FBXL7: variants seen among roughly 807,000 people sequenced by gnomAD.
FBXL7 encodes the protein F-box and leucine rich repeat protein 7, also known as F-box/LRR-repeat protein 7.
A neutral mutation model predicts 38.3 loss-of-function variants in FBXL7; 12 were observed. The observed-to-expected ratio is 0.31, with a 90% confidence interval of 0.20 to 0.51. FBXL7 has a LOEUF of 0.51. FBXL7 is among the 20% of genes least tolerant of loss of function. The pLI is 0.98. For missense variants in FBXL7, 567 were observed against 676.4 expected, an observed-to-expected ratio of 0.84 and a Z score of 1.79; for synonymous variants, 297 against 300.9, an observed-to-expected ratio of 0.99 and a Z score of 0.13.
intron 2 of FBXL7, among the ~76,000 whole-genome samples, chr5:15,863,040 A>G (rs1417958708): frequency 2.0e-5 from 3 of 152,186 alleles, no homozygotes; most frequent in East Asian, 3.9e-4. Context: ...TACACTGCAC[A>G]GGGGTATCTC....
chr5:15,518,431 C>T (rs958402267), intron 1 of FBXL7, among the ~76,000 whole-genome samples: 1 of 152,240 alleles, frequency 6.6e-6, no homozygotes, highest in South Asian at 2.1e-4. Flanking sequence ...ATTCGTGAGC[C>T]CTCTCGATAC....
At chr5:15,563,959 G>A (rs1404654342) in intron 1 of FBXL7, among the ~76,000 whole-genome samples, 2 of 152,022 alleles carry the variant, frequency 1.3e-5, no homozygotes, top group African/African-American at 4.8e-5. Flanking sequence ...GTCTCACCAG[G>A]TTTTCAGTGT....
intron 2 of FBXL7, among the ~76,000 whole-genome samples, chr5:15,638,100 A>C (rs1320873979): frequency 1.3e-5 from 2 of 152,214 alleles, no homozygotes. Context: ...ACCACCCCCC[A>C]GGTGATCAGT....
intron 1 of FBXL7, among the ~76,000 whole-genome samples, chr5:15,578,685 C>A (rs1739042696): frequency 6.6e-6 from 1 of 152,176 alleles, no homozygotes; most frequent in Non-Finnish European, 1.5e-5. Flanking sequence ...ATAGCCCAAT[C>A]ACCATGTGTT....
rs562650617 is a variant in FBXL7 at position 15,516,769 on chromosome 5, C to A, written c.37+16056C>A. Reference sequence around the variant, plus strand: ...GATAGTGAGTGAGTTCTCACGAGATCTGACGGTTTTATAAGGAGCTCTTCC... The same window carrying A: ...GATAGTGAGTGAGTTCTCACGAGATATGACGGTTTTATAAGGAGCTCTTCC... On this transcript the variant is annotated intron_variant, in intron 1 of 3. Coordinates refer to ENST00000504595, the MANE Select transcript of FBXL7 (RefSeq NM_012304.5). 3.3e-5 allele frequency among the ~76,000 whole-genome samples: 5 copies of A among 152,236 alleles called. No individual in the cohort carries two copies. In the East Asian group the frequency reaches 9.7e-4, roughly 30 times the overall value.
chr5:15,654,842 T>C (rs2126575364), intron 2 of FBXL7, among the ~76,000 whole-genome samples: 1 of 152,308 alleles, frequency 6.6e-6, no homozygotes, highest in South Asian at 2.1e-4. Flanking sequence ...CTACCATAAG[T>C]CTTACTTTAT....
intron 2 of FBXL7, among the ~76,000 whole-genome samples, chr5:15,777,978 T>C (rs1315163451): frequency 6.6e-6 from 1 of 152,066 alleles, no homozygotes. Flanking sequence ...ATCAAATTTG[T>C]TTATTTCCCA....
chr5:15,879,610 T>A (rs1415632336), intron 2 of FBXL7, among the ~76,000 whole-genome samples: 1 of 152,108 alleles, frequency 6.6e-6, no homozygotes, highest in African/African-American at 2.4e-5. Context: ...TCTGGGAAGA[T>A]CAGTTCCTTT....
rs183442502 is a variant in FBXL7, at chr5:15,723,286, C to T, written c.127+107214C>T. The stretch of plus-strand genomic sequence containing the variant: ...GTCAGAGACGTTAGTAATTACTGTA[C>T]TTTGTTCAATGAGATAATAACTTTT... On this transcript the variant is annotated intron_variant, in intron 2 of 3. Transcript: ENST00000504595. Among the ~76,000 whole-genome samples, 255 of 152,262 alleles carry T rather than the reference C, an allele frequency of 1.7e-3. 2 individuals carry two copies. The highest frequency in any genetic ancestry group is 5.6e-3 in the African/African-American group (232 of 41,552).
At chr5:15,834,218 G>A (rs1289998996) in intron 2 of FBXL7, among the ~76,000 whole-genome samples, 1 of 152,090 alleles carries the variant, frequency 6.6e-6, no homozygotes, top group East Asian at 1.9e-4. Context: ...TCCACCTAAG[G>A]GCTGTACGCT....
intron 2 of FBXL7, among the ~76,000 whole-genome samples, chr5:15,720,860 T>A (rs1312343651): frequency 6.6e-6 from 1 of 151,996 alleles, no homozygotes; most frequent in Non-Finnish European, 1.5e-5. Context: ...TAACTGGGTG[T>A]TTTGGTAGTG....
chr5:15,594,565 A>G (rs12516253), intron 1 of FBXL7, among the ~76,000 whole-genome samples: 49,963 of 152,012 alleles, frequency 0.33, 8,725 homozygotes, highest in East Asian at 0.7. Context: ...CTGGGGATGG[A>G]GGTGGGAGAT....
chr5:15,528,715 T>A (rs912104777), intron 1 of FBXL7, among the ~76,000 whole-genome samples: 2 of 152,184 alleles, frequency 1.3e-5, no homozygotes, highest in African/African-American at 4.8e-5. Context: ...CAATTCAAGA[T>A]GAGATTTGGG....
chr5:15,582,849 C>G (rs1182086657), intron 1 of FBXL7, among the ~76,000 whole-genome samples: 1 of 152,034 alleles, frequency 6.6e-6, no homozygotes, highest in Non-Finnish European at 1.5e-5. Context: ...TATAGTCTGA[C>G]TAACAAAACA....
Position 15,919,258 on chromosome 5 carries a change from C to T in FBXL7, c.128-8632C>T, listed in dbSNP as rs1293240519. On this transcript the variant is annotated intron_variant, in intron 2 of 3. Coordinates refer to ENST00000504595, the MANE Select transcript of FBXL7 (RefSeq NM_012304.5). ...TAAATATGACTTCCTAGAGTGTAAA[C>T]AACAGTGGTTTGAAATTAAAAATTT... Among the ~76,000 whole-genome samples, 8 of 152,044 alleles carry T rather than the reference C, an allele frequency of 5.3e-5. No individual in the cohort carries two copies. In the South Asian group the frequency reaches 1.7e-3, roughly 32 times the overall value.
At chr5:15,768,343 A>G (rs1188968505) in intron 2 of FBXL7, among the ~76,000 whole-genome samples, 1 of 152,094 alleles carries the variant, frequency 6.6e-6, no homozygotes, top group East Asian at 1.9e-4. Context: ...CATCCTGGCT[A>G]ACACGGTGAA....
chr5:15,569,887 T>C (rs975360927), intron 1 of FBXL7, among the ~76,000 whole-genome samples: 11 of 152,270 alleles, frequency 7.2e-5, no homozygotes, highest in African/African-American at 2.2e-4. Flanking sequence ...TATGCTGGAC[T>C]ACATTTATTG....
chr5:15,652,318 G>C (rs1330680488), intron 2 of FBXL7, among the ~76,000 whole-genome samples: 1 of 152,144 alleles, frequency 6.6e-6, no homozygotes, highest in African/African-American at 2.4e-5. Context: ...CCAGGCTGGA[G>C]TGCAGTGGCG....
chr5:15,743,069 A>G (rs1305013100), intron 2 of FBXL7, among the ~76,000 whole-genome samples: 1 of 152,176 alleles, frequency 6.6e-6, no homozygotes, highest in Non-Finnish European at 1.5e-5. Context: ...ATTCAAGATG[A>G]GATTTGGGTG....
Sources: allele counts gnomAD v4.1 joint callset (sites outside exome capture counted in the v4.1 genomes callset), GRCh38; gene constraint gnomAD v4.1.1; transcripts MANE v1.5; gene names NCBI Gene and HGNC (gene_info 2026-07-23, HGNC 2026-07-21).